PTPRS: variants seen among roughly 807,000 people sequenced by gnomAD.
PTPRS encodes the protein receptor-type tyrosine-protein phosphatase S.
A neutral mutation model predicts 215.3 loss-of-function variants in PTPRS; 63 were observed. The ratio of observed to expected loss-of-function variants is 0.29; its 90% CI spans 0.24 to 0.36. The LOEUF is 0.36. Ranked by LOEUF, PTPRS falls within the 10% of genes least tolerant of loss-of-function variation. The pLI, the probability that PTPRS is intolerant of heterozygous loss-of-function variation, is 1.00. For missense variants in PTPRS, 2,258 were observed against 2,825.8 expected (o/e 0.80, Z 4.56); for synonymous variants, 1,404 against 1,191.4 (o/e 1.18, Z -3.68).
Position 5,303,954 on chromosome 19 carries a change from A to AAAAAAAAAAAAAAATAAAATAAAAAT in PTPRS, c.-94-17721_-94-17720insATTTTTATTTTATTTTTTTTTTTTTT. Reference sequence around the variant, plus strand: ...TGACACAGCGAGACTCTGTCTCAAAAAATAATAATAACAATAAAATAAACA... The same window carrying AAAAAAAAAAAAAAATAAAATAAAAAT: ...TGACACAGCGAGACTCTGTCTCAAAAAAAAAAAAAAAAAATAAAATAAAAATAATAATAATAACAATAAAATAAACA... On this transcript the variant is annotated intron_variant, in intron 1 of 37. Transcript: ENST00000262963. 1.4e-3 allele frequency among the ~76,000 whole-genome samples: 187 copies of AAAAAAAAAAAAAAATAAAATAAAAAT among 132,316 alleles called. 6 individuals carry two copies. The highest frequency in any genetic ancestry group is 5.5e-3 in the African/African-American group (181 of 32,640). 86.8% of individuals were successfully genotyped at this position (132,316 alleles called of 152,430 possible). A position where few individuals can be genotyped will look rare whatever the true frequency, so the allele number is the denominator to read the frequency against.
At chr19:5,208,441 G>T in intron 35 of PTPRS, 50 bp from the exon 36 acceptor site, 1 of 1,432,468 alleles carries the variant, frequency 7.0e-7, no homozygotes, top group South Asian at 1.6e-5. Flanking sequence ...GCGGCCATGG[G>T]GGTTTTTCTC....
At position 5,282,680 on chromosome 19, in the gene PTPRS, G is replaced by A. The variant is rs1249224661; in HGVS notation, c.91+3370C>T. ...TAGCCAGGCCTGGTGGTACACGCCT[G>A]TAATCCCAGCTACTTGGAGGCTGAG... On this transcript the variant is annotated intron_variant, in intron 2 of 37. Transcript: ENST00000262963. Among the ~76,000 whole-genome samples the A allele has an allele frequency of 3.9e-5, 6 of 151,982 alleles. No homozygotes were observed. The East Asian group carries it at 1.2e-3, about 29-fold the overall frequency.
intron 1 of PTPRS, among the ~76,000 whole-genome samples, chr19:5,336,100 C>T (rs1036266624): frequency 6.6e-6 from 1 of 151,822 alleles, no homozygotes; most frequent in African/African-American, 2.4e-5. Context: ...CGTTAATTTT[C>T]GCCTTTGGAG....
intron 2 of PTPRS, 64 bp from the exon 3 acceptor site, chr19:5,274,408 G>A (rs2047181639): frequency 6.6e-7 from 1 of 1,522,912 alleles, no homozygotes; most frequent in Non-Finnish European, 8.9e-7. Context: ...AGGATACCAA[G>A]GAGCCACGAA....
At chr19:5,266,394 C>T (rs1248919783) in intron 4 of PTPRS, among the ~76,000 whole-genome samples, 3 of 152,034 alleles carry the variant, frequency 2.0e-5, no homozygotes, top group African/African-American at 7.2e-5. Flanking sequence ...ATTGGGATTA[C>T]AGGTATTTTA....
intron 1 of PTPRS, among the ~76,000 whole-genome samples, chr19:5,331,275 T>C (rs185865910): frequency 3.4e-4 from 51 of 151,432 alleles, no homozygotes; most frequent in Non-Finnish European, 6.0e-4. Context: ...GGACCGTACG[T>C]GTGCACCCCA....
chr19:5,241,971 G>C (rs929932362), intron 11 of PTPRS, among the ~76,000 whole-genome samples: 1 of 152,094 alleles, frequency 6.6e-6, no homozygotes, highest in East Asian at 1.9e-4. Context: ...GAGTAGCTGG[G>C]ATTACAGACA....
chr19:5,220,667 A>G (rs530374519), intron 20 of PTPRS, among the ~76,000 whole-genome samples: 18 of 152,358 alleles, frequency 1.2e-4, no homozygotes, highest in South Asian at 8.3e-4. Flanking sequence ...CCTCTGAGGC[A>G]GAGTGCTCCT....
chr19:5,252,508 C>T (rs951854215), intron 9 of PTPRS, among the ~76,000 whole-genome samples: 3 of 133,410 alleles, frequency 2.2e-5, no homozygotes, highest in East Asian at 5.0e-4. Flanking sequence ...ACCCAGGAGG[C>T]GGAGGTTGCA....
chr19:5,209,629 C>A (rs1021713022), intron 35 of PTPRS, among the ~76,000 whole-genome samples: 2 of 152,152 alleles, frequency 1.3e-5, no homozygotes, highest in East Asian at 3.9e-4. Context: ...TTTCTCCACC[C>A]CCTGCTGGCC....
At chr19:5,216,344 C>G (rs992301924) in intron 26 of PTPRS, among the ~76,000 whole-genome samples, 2 of 152,204 alleles carry the variant, frequency 1.3e-5, no homozygotes, top group Non-Finnish European at 2.9e-5. Context: ...ATGTTCAGCT[C>G]TCAGGTGGTT....
In PTPRS at chr19:5,221,200, G is replaced by C; in HGVS notation, c.3255C>G (p.Leu1085=). 1 of 1,614,040 alleles carries C rather than the reference G, an allele frequency of 6.2e-7. No homozygotes were observed. Among genetic ancestry groups the C allele is most frequent in the Non-Finnish European group, 8.5e-7 (1 of 1,179,988 alleles). ...AGGTGTGGGGCTTGAGGTGCGTGAT[G>C]AGCTTCTTGGTGGTACGGCCATCCA... ...LDVDGRTTKK[L]ITHLKPHTFY... is the part of the protein sequence containing the mutation. Residue 1085 remains leucine (L), a synonymous_variant, in exon 20 of 38, where the codon CTC becomes CTG. Transcript: ENST00000262963.
intron 4 of PTPRS, among the ~76,000 whole-genome samples, chr19:5,271,556 C>T (rs770404862): frequency 2.0e-5 from 3 of 151,762 alleles, no homozygotes; most frequent in Admixed American, 6.6e-5. Context: ...CCCACCATCA[C>T]GTTCAGCTAA....
chr19:5,296,608 A>G (rs528620411), intron 1 of PTPRS, among the ~76,000 whole-genome samples: 1 of 152,010 alleles, frequency 6.6e-6, no homozygotes, highest in East Asian at 1.9e-4. Context: ...CCAGGCAGAG[A>G]GCTCAGTCCA....
intron 36 of PTPRS, 70 bp downstream of exon 36, chr19:5,208,167 T>C: frequency 1.3e-6 from 2 of 1,561,926 alleles, no homozygotes; most frequent in Non-Finnish European, 1.7e-6. Flanking sequence ...CAGCCTAAGC[T>C]TGGGGCTGTC....
intron 4 of PTPRS, among the ~76,000 whole-genome samples, chr19:5,268,751 G>A (rs1449421821): frequency 9.2e-5 from 14 of 152,230 alleles, no homozygotes; most frequent in South Asian, 6.2e-4. Flanking sequence ...AGGGGGAAAC[G>A]GAGGCACAGG....
At chr19:5,279,924 C>T (rs1406693455) in intron 2 of PTPRS, among the ~76,000 whole-genome samples, 1 of 152,144 alleles carries the variant, frequency 6.6e-6, no homozygotes. Context: ...ACCTCGTGAT[C>T]CACCCACCTT....
chr19:5,287,361 T>A lies in PTPRS; in HGVS notation c.-94-1127A>T, dbSNP rs1334574915. Among the ~76,000 whole-genome samples, 2 of 152,132 alleles carry A rather than the reference T, an allele frequency of 1.3e-5. No individual in the cohort carries two copies. Among genetic ancestry groups the A allele is most frequent in the Non-Finnish European group, 2.9e-5 (2 of 68,016 alleles). ...CTGGTTCCCAAACTAAATGAAAAGATGTTAATCATTCAGCACGTTTCTCCC... is the reference window on the plus strand; with the variant it reads ...CTGGTTCCCAAACTAAATGAAAAGAAGTTAATCATTCAGCACGTTTCTCCC... On this transcript the variant is annotated intron_variant, in intron 1 of 37. Coordinates refer to ENST00000262963, the MANE Select transcript of PTPRS (RefSeq NM_002850.4). This position sits in a 1 kb window ranked among gnomAD's most constrained non-coding sequence, Gnocchi z 4.8.
rs533148233 is a variant in PTPRS, at chr19:5,211,101, G to C, written c.5235-296C>G. Reference sequence around the variant, plus strand: ...TTCAAGGGCCACTGCCCTACTTTCAGTTGCTTGCGTGGGCCAAGCTCTCAG... The same window carrying C: ...TTCAAGGGCCACTGCCCTACTTTCACTTGCTTGCGTGGGCCAAGCTCTCAG... On this transcript the variant is annotated intron_variant, in intron 33 of 37. Coordinates refer to ENST00000262963, the MANE Select transcript of PTPRS (RefSeq NM_002850.4). Among the ~76,000 whole-genome samples, 3 of 152,350 alleles carry C rather than the reference G, an allele frequency of 2.0e-5. No individual in the cohort carries two copies. In the East Asian group the frequency reaches 5.8e-4, roughly 29 times the overall value.
Sources: allele counts gnomAD v4.1 joint callset (sites outside exome capture counted in the v4.1 genomes callset), GRCh38; gene constraint gnomAD v4.1.1; non-coding constraint Gnocchi (gnomAD v3.1); transcripts MANE v1.5; gene names NCBI Gene and HGNC (gene_info 2026-07-23, HGNC 2026-07-21).